Variants in FANCD2 observed in about 807,000 individuals in gnomAD.
FANCD2 encodes Fanconi anemia group D2 protein.
FANCD2 carries 131 observed loss-of-function variants against 192.3 expected under a neutral mutation model. That is an observed-to-expected ratio of 0.68 (90% confidence interval 0.59 to 0.79). The LOEUF (loss-of-function observed/expected upper bound fraction) is 0.79, where lower values mean the gene tolerates loss of function less well. Among genes scored for constraint, FANCD2 ranks in the 30% least tolerant of loss-of-function variants. The pLI is 0.00. For missense variants in FANCD2, 1,508 were observed against 1,701.6 expected (o/e 0.89, Z 2.00); for synonymous variants, 524 against 612.5 (o/e 0.86, Z 2.13).
chr3:10,026,971 A>G (rs1244026932), intron 1 of FANCD2, among the ~76,000 whole-genome samples: 1 of 141,150 alleles, frequency 7.1e-6, no homozygotes, highest in African/African-American at 3.0e-5. Flanking sequence ...CAGGTGCTGA[A>G]GCCAGACTCC....
chr3:10,051,552 G>C (rs1028765914), intron 17 of FANCD2, among the ~76,000 whole-genome samples: 8 of 152,130 alleles, frequency 5.3e-5, no homozygotes, highest in African/African-American at 1.9e-4. Context: ...GTGGAAGCCA[G>C]AGAGCAGTAA....
rs1449888252 is a variant in FANCD2, at chr3:10,062,219, C to CT, written c.1827+15dup. On this transcript the variant is annotated intron_variant, in intron 20 of 43. Transcript: ENST00000675286. ...GATGAGCAGTGCACACAGGTGAGTTCTTTTTTTCCTTTCTTTCTTTTTCCT... is the reference window on the plus strand; with the variant it reads ...GATGAGCAGTGCACACAGGTGAGTTCTTTTTTTTCCTTTCTTTCTTTTTCCT... 1.3e-6 allele frequency: 2 copies of CT among 1,593,644 alleles called. No homozygotes were observed. Among genetic ancestry groups the CT allele is most frequent in the Non-Finnish European group, 1.7e-6 (2 of 1,163,782 alleles).
chr3:10,075,320 G>T (rs1347961336), intron 29 of FANCD2, among the ~76,000 whole-genome samples: 2 of 151,840 alleles, frequency 1.3e-5, no homozygotes, highest in African/African-American at 4.8e-5. Context: ...AGTAGCTGGG[G>T]CTATAGGCAT....
intron 6 of FANCD2, 41 bp from the exon 7 acceptor site, chr3:10,036,246 T>C (rs2086728610): frequency 1.3e-6 from 2 of 1,529,612 alleles, no homozygotes; most frequent in Non-Finnish European, 1.8e-6. Context: ...CTATTGTGTA[T>C]TTTGAGATCA....
chr3:10,056,974 C>T (rs1410247222), intron 18 of FANCD2, among the ~76,000 whole-genome samples: 3 of 152,150 alleles, frequency 2.0e-5, no homozygotes, highest in Non-Finnish European at 2.9e-5. Context: ...CCCATGTCAG[C>T]CTCCTGAGTA....
At chr3:10,031,776 A>C (rs775111979) in intron 2 of FANCD2, among the ~76,000 whole-genome samples, 12 of 152,212 alleles carry the variant, frequency 7.9e-5, no homozygotes, top group Non-Finnish European at 1.6e-4. Context: ...TCTGAAGAAC[A>C]TAAAAAATTC....
chr3:10,065,151 G>A (rs1020276232), intron 23 of FANCD2, among the ~76,000 whole-genome samples: 5 of 152,134 alleles, frequency 3.3e-5, no homozygotes, highest in Non-Finnish European at 5.9e-5. Flanking sequence ...TAGCCGGGCA[G>A]TGTGGCATGC....
At chr3:10,032,564 C>A (rs2086631032) in intron 2 of FANCD2, 2 of 385,800 alleles carry the variant, frequency 5.2e-6, no homozygotes, top group Admixed American at 8.0e-5. Context: ...GCCTTGGCCT[C>A]CTAATTTGCT....
At chr3:10,071,540 T>G (rs1402473782) in intron 26 of FANCD2, among the ~76,000 whole-genome samples, 3 of 152,316 alleles carry the variant, frequency 2.0e-5, no homozygotes, top group East Asian at 3.9e-4. Context: ...TTTGCAACAA[T>G]ACAGATGGAA....
chr3:10,049,858 T>C (rs1215542598), intron 17 of FANCD2, among the ~76,000 whole-genome samples: 1 of 152,058 alleles, frequency 6.6e-6, no homozygotes, highest in Non-Finnish European at 1.5e-5. Context: ...GCAATGTGAG[T>C]GATTGCTGAA....
intron 2 of FANCD2, chr3:10,032,461 G>T (rs35988239): frequency 0.14 from 39,213 of 285,836 alleles, 3,342 homozygotes; most frequent in African/African-American, 0.24. Flanking sequence ...GTGTGTGGAG[G>T]GGGGGAATGG....
chr3:10,081,623 T>A, intron 32 of FANCD2, 159 bp downstream of exon 32: 1 of 729,316 alleles, frequency 1.4e-6, no homozygotes, highest in South Asian at 1.5e-5. Flanking sequence ...TATTATTTCA[T>A]TTGATCTTGT....
intron 18 of FANCD2, 93 bp downstream of exon 18, chr3:10,052,590 C>T: frequency 1.2e-6 from 1 of 834,538 alleles, no homozygotes; most frequent in Non-Finnish European, 2.0e-6. Context: ...ACGATCTCAG[C>T]TCATTGCAAC....
intron 40 of FANCD2, chr3:10,094,785 C>T (rs1168445657): frequency 3.2e-6 from 1 of 309,412 alleles, no homozygotes; most frequent in African/African-American, 2.1e-5. Context: ...TAGCCAATGG[C>T]ATCCAGGGCT....
At chr3:10,041,843 T>G in intron 10 of FANCD2, 133 bp downstream of exon 10, 1 of 100,910 alleles carries the variant, frequency 9.9e-6, no homozygotes, top group Non-Finnish European at 1.8e-5. Flanking sequence ...GATATCTCTC[T>G]TTTTTTTTTT....
intron 6 of FANCD2, 87 bp downstream of exon 6, chr3:10,035,320 G>A: frequency 8.4e-7 from 1 of 1,196,764 alleles, no homozygotes; most frequent in Non-Finnish European, 1.2e-6. Flanking sequence ...ACAGGATAGA[G>A]TAGGGTTAAT....
At chr3:10,078,963 C>A (rs537451475) in intron 30 of FANCD2, among the ~76,000 whole-genome samples, 158 of 151,348 alleles carry the variant, frequency 1.0e-3, no homozygotes, top group African/African-American at 3.7e-3. Context: ...AAAAGTCTAC[C>A]TGTGCAGTGG....
At position 10,074,619 on chromosome 3, in the gene FANCD2, T is replaced by C. The variant is rs1297932112; in HGVS notation, c.2805T>C (p.Ile935=). The C allele has an allele frequency of 1.2e-6, 2 of 1,613,708 alleles. No homozygotes were observed. The highest frequency in any genetic ancestry group is 1.7e-6 in the Non-Finnish European group (2 of 1,179,800). ...FRELDIEVFS[I]LHCGLVTKFI... ...AGCTGGACATTGAGGTCTTCTCTAT[T>C]CTACATTGTGGACTTGTGACGAAGT... Residue 935 remains isoleucine, a synonymous_variant, in exon 29 of 44, where the codon ATT becomes ATC. Transcript: ENST00000675286.
intron 29 of FANCD2, among the ~76,000 whole-genome samples, 155 bp downstream of exon 29, chr3:10,074,828 C>T (rs964516565): frequency 6.6e-6 from 1 of 152,204 alleles, no homozygotes; most frequent in Non-Finnish European, 1.5e-5. Context: ...TAATCATCCT[C>T]ATACTGGTGT....
Sources: gnomAD v4.1 joint callset for allele counts (sites outside exome capture counted in the v4.1 genomes callset) on GRCh38, gnomAD v4.1.1 for gene constraint, MANE v1.5 for transcripts, NCBI Gene and HGNC (gene_info 2026-07-23, HGNC 2026-07-21) for gene names.